Variants in OSBPL1A observed in about 807,000 individuals in gnomAD.
OSBPL1A encodes oxysterol binding protein like 1A, also known as oxysterol-binding protein-related protein 1.
Under a neutral mutation model 137.1 loss-of-function variants are expected in OSBPL1A, and 80 were observed. That is an observed-to-expected ratio of 0.58 (90% CI 0.49 to 0.70). The LOEUF (loss-of-function observed/expected upper bound fraction) is 0.70, where lower values mean the gene tolerates loss of function less well. Among genes scored for constraint, OSBPL1A ranks in the 30% least tolerant of loss-of-function variants. The pLI is 0.00. For missense variants in OSBPL1A, 970 were observed against 1,129.4 expected (o/e 0.86, Z 2.02); for synonymous variants, 365 against 389.7 (o/e 0.94, Z 0.75).
At chr18:24,395,684 G>C (rs972577321) in intron 1 of OSBPL1A, among the ~76,000 whole-genome samples, 1 of 151,440 alleles carries the variant, frequency 6.6e-6, no homozygotes, top group Non-Finnish European at 1.5e-5. Flanking sequence ...GCAACAGCAC[G>C]ATCTCCATTC....
At chr18:24,180,373 T>G (rs2086569794) in intron 19 of OSBPL1A, among the ~76,000 whole-genome samples, 1 of 152,168 alleles carries the variant, frequency 6.6e-6, no homozygotes, top group South Asian at 2.1e-4. Flanking sequence ...TCTAAAACAT[T>G]AAAAAGTGCA....
chr18:24,367,271 T>G, intron 3 of OSBPL1A, among the ~76,000 whole-genome samples: 1 of 151,656 alleles, frequency 6.6e-6, no homozygotes, highest in Non-Finnish European at 1.5e-5. Flanking sequence ...AGTGTATATA[T>G]GGTAGGTTTT....
At chr18:24,205,293 T>C (rs2087337242) in intron 17 of OSBPL1A, among the ~76,000 whole-genome samples, 1 of 152,176 alleles carries the variant, frequency 6.6e-6, no homozygotes, top group South Asian at 2.1e-4. Context: ...AAAATGACAA[T>C]ACTAGTGTTT....
chr18:24,361,603 T>A (rs2091621749), intron 4 of OSBPL1A, among the ~76,000 whole-genome samples: 1 of 152,262 alleles, frequency 6.6e-6, no homozygotes, highest in East Asian at 1.9e-4. Context: ...ACTTATTTGA[T>A]CTAGGTGATT....
chr18:24,164,507 C>A (rs912934247), intron 27 of OSBPL1A, among the ~76,000 whole-genome samples: 9 of 138,812 alleles, frequency 6.5e-5, no homozygotes, highest in Non-Finnish European at 1.2e-4. Flanking sequence ...CAGCTCACTG[C>A]AAGCTCTGCC....
chr18:24,263,793 A>T (rs1175082403), intron 15 of OSBPL1A, among the ~76,000 whole-genome samples: 1 of 151,786 alleles, frequency 6.6e-6, no homozygotes, highest in African/African-American at 2.4e-5. Context: ...GCGTCACTGC[A>T]CCTGGCTAAT....
chr18:24,318,903 T>C, intron 7 of OSBPL1A, 94 bp from the exon 8 acceptor site: 1 of 1,040,006 alleles, frequency 9.6e-7, no homozygotes, highest in South Asian at 1.5e-5. Flanking sequence ...CCTTCATTTT[T>C]CTATTGCCTA....
chr18:24,212,523 A>G (rs1490945224), intron 17 of OSBPL1A, among the ~76,000 whole-genome samples: 4 of 152,192 alleles, frequency 2.6e-5, no homozygotes, highest in Non-Finnish European at 4.4e-5. Flanking sequence ...TAAAAGTTCG[A>G]TATGATTTTT....
At chr18:24,223,282 T>C (rs1463720008) in intron 17 of OSBPL1A, among the ~76,000 whole-genome samples, 1 of 152,140 alleles carries the variant, frequency 6.6e-6, no homozygotes, top group Non-Finnish European at 1.5e-5. Context: ...ATCTGTGGCA[T>C]ATGCTCTATC....
intron 18 of OSBPL1A, among the ~76,000 whole-genome samples, chr18:24,181,815 TTGTC>T (rs1461770074): frequency 1.3e-5 from 2 of 152,088 alleles, no homozygotes; most frequent in Non-Finnish European, 2.9e-5. Flanking sequence ...TGCACTTTCT[TTGTC>T]TGGCTCCCTC....
Position 24,201,760 on chromosome 18 carries a change from T to TA in OSBPL1A, c.1602-5561dup, listed in dbSNP as rs1298405162. Among the ~76,000 whole-genome samples, 349 of 142,828 alleles carry TA rather than the reference T, an allele frequency of 2.4e-3. 2 individuals carry two copies. Among genetic ancestry groups the TA allele is most frequent in the Middle Eastern group, 0.011 (3 of 282 alleles). 93.7% of individuals were successfully genotyped at this position (142,828 alleles called of 152,430 possible). Reference sequence around the variant, plus strand: ...CCTGGGCAACAGACCAAGAGTCCATTAAAAAAAAAAAAGAAAGAAATTGTA... The same window carrying TA: ...CCTGGGCAACAGACCAAGAGTCCATTAAAAAAAAAAAAAGAAAGAAATTGTA... On this transcript the variant is annotated intron_variant, in intron 17 of 27. Coordinates refer to ENST00000319481, the MANE Select transcript of OSBPL1A (RefSeq NM_080597.4).
intron 4 of OSBPL1A, among the ~76,000 whole-genome samples, chr18:24,354,796 A>T (rs1050712139): frequency 3.3e-5 from 5 of 151,570 alleles, no homozygotes; most frequent in Non-Finnish European, 1.5e-5. Context: ...AAGATGATGA[A>T]AGTAGTATCT....
intron 24 of OSBPL1A, among the ~76,000 whole-genome samples, chr18:24,169,240 G>A (rs1347205681): frequency 2.6e-5 from 4 of 152,208 alleles, no homozygotes; most frequent in African/African-American, 9.7e-5. Context: ...TTTCACTTTG[G>A]GAGCAAGGCT....
At chr18:24,256,998 A>C (rs980349043) in intron 15 of OSBPL1A, among the ~76,000 whole-genome samples, 4 of 149,602 alleles carry the variant, frequency 2.7e-5, no homozygotes, top group African/African-American at 9.8e-5. Flanking sequence ...AAAAGGAAAG[A>C]TATTCCATGT....
chr18:24,368,157 G>A (rs1905306456), intron 3 of OSBPL1A, 130 bp downstream of exon 3: 5 of 559,746 alleles, frequency 8.9e-6, no homozygotes, highest in African/African-American at 3.7e-5. Flanking sequence ...ACAATTAAGT[G>A]TCTTGAATGA....
At position 24,170,468 on chromosome 18, in the gene OSBPL1A, T is replaced by C. The variant is rs2086248823; in HGVS notation, c.2292-15A>G. 5 of 1,613,792 alleles carry C rather than the reference T, an allele frequency of 3.1e-6. No individual in the cohort carries two copies. Among genetic ancestry groups the C allele is most frequent in the Non-Finnish European group, 3.4e-6 (4 of 1,179,954 alleles). ...GCTTCTTTTTGCTGTCAAGAAAAAC[T>C]GATGTTTAGTTAACAAACCAGTGTT... On this transcript the variant is annotated splice_polypyrimidine_tract_variant and intron_variant, in intron 23 of 27. Transcript: ENST00000319481.
chr18:24,354,429 C>T (rs923994069), intron 4 of OSBPL1A, among the ~76,000 whole-genome samples: 53 of 152,020 alleles, frequency 3.5e-4, no homozygotes, highest in African/African-American at 1.3e-3. Flanking sequence ...CACGGGGGAA[C>T]ACCTTCCAGT....
intron 17 of OSBPL1A, among the ~76,000 whole-genome samples, chr18:24,219,079 G>A (rs1459497723): frequency 1.3e-5 from 2 of 152,014 alleles, no homozygotes; most frequent in African/African-American, 4.8e-5. Flanking sequence ...GATGTCTTGA[G>A]GCTAGGGGTT....
At chr18:24,233,679 C>T (rs1447756537) in intron 16 of OSBPL1A, among the ~76,000 whole-genome samples, 5 of 152,122 alleles carry the variant, frequency 3.3e-5, no homozygotes, top group South Asian at 2.1e-4. Context: ...GACAGAGTCT[C>T]GCTCTGTTGC....
Sources: gnomAD v4.1 joint callset for allele counts (sites outside exome capture counted in the v4.1 genomes callset) on GRCh38, gnomAD v4.1.1 for gene constraint, MANE v1.5 for transcripts, NCBI Gene and HGNC (gene_info 2026-07-23, HGNC 2026-07-21) for gene names.